Variants in PCDH15 observed in about 807,000 individuals in gnomAD.
The protein encoded by PCDH15 is protocadherin related 15.
Under a neutral mutation model 178.5 loss-of-function variants are expected in PCDH15, and 129 were observed. The observed-to-expected ratio is 0.72, with a 90% CI of 0.63 to 0.84. The LOEUF (loss-of-function observed/expected upper bound fraction) is 0.84. Ranked by LOEUF, PCDH15 falls within the 40% of genes least tolerant of loss-of-function variation. PCDH15 has a pLI of 0.00. For missense variants in PCDH15, 2,230 were observed against 2,099.9 expected, an observed-to-expected ratio of 1.06 and a Z score of -1.21; for synonymous variants, 800 against 732.0, an observed-to-expected ratio of 1.09 and a Z score of -1.50.
chr10:55,574,572 A>G (rs888200626), intron 2 of PCDH15, among the ~76,000 whole-genome samples: 2 of 152,076 alleles, frequency 1.3e-5, no homozygotes, highest in Admixed American at 1.3e-4. Flanking sequence ...ATAATCTGAA[A>G]TCTACTAGTG....
intron 2 of PCDH15, among the ~76,000 whole-genome samples, chr10:54,558,049 A>G (rs1395077802): frequency 6.6e-6 from 1 of 152,130 alleles, no homozygotes; most frequent in Non-Finnish European, 1.5e-5. Context: ...ACAAACAAAC[A>G]TAAAAACCTA....
intron 2 of PCDH15, among the ~76,000 whole-genome samples, chr10:55,540,648 T>C (rs907917144): frequency 3.9e-5 from 6 of 152,126 alleles, no homozygotes; most frequent in Admixed American, 1.3e-4. Flanking sequence ...GGAAATGTTA[T>C]GTAATATCAA....
At chr10:53,813,141 G>C (rs2075936769) in intron 35 of PCDH15, among the ~76,000 whole-genome samples, 1 of 152,048 alleles carries the variant, frequency 6.6e-6, no homozygotes, top group Admixed American at 6.5e-5. Flanking sequence ...CAATAATCTA[G>C]TTGGCTAGAT....
At chr10:53,883,052 T>C (rs1385915881) in intron 26 of PCDH15, among the ~76,000 whole-genome samples, 2 of 152,162 alleles carry the variant, frequency 1.3e-5, no homozygotes, top group Non-Finnish European at 2.9e-5. Context: ...TATATACATA[T>C]ATGTACATAC....
chr10:55,081,490 T>C (rs1014698647), intron 2 of PCDH15, among the ~76,000 whole-genome samples: 10 of 152,164 alleles, frequency 6.6e-5, no homozygotes, highest in African/African-American at 2.4e-4. Context: ...ATCTTAATGT[T>C]TGCTTACTCC....
intron 3 of PCDH15, among the ~76,000 whole-genome samples, chr10:54,417,071 G>C (rs993604814): frequency 3.3e-5 from 5 of 151,824 alleles, no homozygotes; most frequent in African/African-American, 1.2e-4. Context: ...ATATGTTTTT[G>C]TAGAGATGGG....
chr10:54,546,687 G>T (rs910256317), intron 2 of PCDH15, among the ~76,000 whole-genome samples: 3 of 152,088 alleles, frequency 2.0e-5, no homozygotes, highest in Non-Finnish European at 2.9e-5. Flanking sequence ...TGTGAAATCT[G>T]TTTTGTTAAA....
chr10:54,337,108 A>ATG (rs1941326036), intron 6 of PCDH15, among the ~76,000 whole-genome samples: 1 of 131,968 alleles, frequency 7.6e-6, no homozygotes, highest in East Asian at 2.0e-4. Context: ...CTCATTTGGA[A>ATG]TGTATATATA....
intron 8 of PCDH15, among the ~76,000 whole-genome samples, chr10:54,259,876 A>G (rs1258262368): frequency 1.3e-5 from 2 of 152,216 alleles, no homozygotes; most frequent in Non-Finnish European, 2.9e-5. Flanking sequence ...TAAAGAAAAT[A>G]CTAGTGAAGA....
At chr10:55,118,446 C>G (rs1462204866) in intron 2 of PCDH15, among the ~76,000 whole-genome samples, 4 of 152,180 alleles carry the variant, frequency 2.6e-5, no homozygotes, top group African/African-American at 9.7e-5. Flanking sequence ...TGACATTCAA[C>G]TTCCCTTACA....
intron 13 of PCDH15, among the ~76,000 whole-genome samples, chr10:54,168,455 A>G (rs923348320): frequency 1.3e-5 from 2 of 152,004 alleles, no homozygotes; most frequent in African/African-American, 2.4e-5. Flanking sequence ...AGGCCGAGCT[A>G]GGTCCCAATT....
intron 2 of PCDH15, among the ~76,000 whole-genome samples, chr10:54,905,549 A>G (rs556642159): frequency 6.6e-6 from 1 of 152,120 alleles, no homozygotes; most frequent in Non-Finnish European, 1.5e-5. Flanking sequence ...AAGCTTTGTA[A>G]TAGTTCAGAT....
chr10:55,378,318 T>C (rs898154207), intron 2 of PCDH15, among the ~76,000 whole-genome samples: 1 of 152,118 alleles, frequency 6.6e-6, no homozygotes, highest in African/African-American at 2.4e-5. Flanking sequence ...GACATACACA[T>C]TAGCAATTGT....
intron 3 of PCDH15, among the ~76,000 whole-genome samples, chr10:54,478,084 A>C (rs1484987159): frequency 1.3e-5 from 2 of 152,036 alleles, no homozygotes; most frequent in African/African-American, 4.8e-5. Flanking sequence ...TAGTCGCCCT[A>C]ATAATATTTT....
intron 2 of PCDH15, among the ~76,000 whole-genome samples, chr10:55,372,139 A>T (rs549225628): frequency 6.6e-6 from 1 of 152,248 alleles, no homozygotes; most frequent in Non-Finnish European, 1.5e-5. Context: ...CTCCCATTTG[A>T]TCTTCATAAC....
chr10:55,352,581 G>A (rs1196527399), intron 2 of PCDH15, among the ~76,000 whole-genome samples: 1 of 152,120 alleles, frequency 6.6e-6, no homozygotes, highest in African/African-American at 2.4e-5. Flanking sequence ...TTCTACGGTT[G>A]TTCAGAATTT....
chr10:54,435,953 G>C (rs1288319085), intron 3 of PCDH15, among the ~76,000 whole-genome samples: 3 of 151,056 alleles, frequency 2.0e-5, no homozygotes, highest in African/African-American at 2.4e-5. Context: ...CTGGGCAACA[G>C]AGCGAGACTC....
At chr10:54,632,289 G>A (rs1052987649) in intron 2 of PCDH15, among the ~76,000 whole-genome samples, 1 of 152,080 alleles carries the variant, frequency 6.6e-6, no homozygotes, top group Non-Finnish European at 1.5e-5. Context: ...ACAGAGGGAA[G>A]AGTAGGAGTG....
intron 2 of PCDH15, among the ~76,000 whole-genome samples, chr10:55,563,581 G>T (rs372187236): frequency 2.7e-5 from 4 of 150,644 alleles, no homozygotes; most frequent in African/African-American, 9.8e-5. Flanking sequence ...AAATAATCAC[G>T]AGGCACACAC....
Sources: allele counts gnomAD v4.1 joint callset (sites outside exome capture counted in the v4.1 genomes callset), GRCh38; gene constraint gnomAD v4.1.1; transcripts MANE v1.5; gene names NCBI Gene and HGNC (gene_info 2026-07-23, HGNC 2026-07-21).